SLC35E1: variants seen among roughly 807,000 people sequenced by gnomAD.
The protein encoded by SLC35E1 is solute carrier family 35 member E1.
A neutral mutation model predicts 31.0 loss-of-function variants in SLC35E1; 12 were observed. That is an observed-to-expected ratio of 0.39 (90% CI 0.25 to 0.63). The LOEUF (loss-of-function observed/expected upper bound fraction) is 0.63. Ranked by LOEUF, SLC35E1 falls within the 20% of genes least tolerant of loss-of-function variation. The probability of loss-of-function intolerance (pLI) is 0.52; values close to 1 mark genes in which losing one functional copy is unlikely to be tolerated. For missense variants in SLC35E1, 429 were observed against 572.2 expected, an observed-to-expected ratio of 0.75 and a Z score of 2.55; for synonymous variants, 257 against 264.1, an observed-to-expected ratio of 0.97 and a Z score of 0.26.
At position 16,572,026 on chromosome 19, in the gene SLC35E1, T is replaced by G. The variant is rs1455315475; in HGVS notation, c.339A>C (p.Leu113=). 1 of 1,543,944 alleles carries G rather than the reference T, an allele frequency of 6.5e-7. No individual in the cohort carries two copies. The highest frequency in any genetic ancestry group is 8.7e-7 in the Non-Finnish European group (1 of 1,144,418). Residue 113 remains leucine, a synonymous_variant, in exon 1 of 6, where the codon CTA becomes CTC. Transcript: ENST00000595753. This position sits in a 1 kb window ranked among gnomAD's most constrained non-coding sequence, Gnocchi z 4.1. ...LPPRFYPRYV[L]PLAFGKYFAS... Reference sequence around the variant, plus strand: ...CGAAGTACTTGCCGAAGGCGAGCGGTAGCACGTAGCGCGGGTAGAAGCGCG... The same window carrying G: ...CGAAGTACTTGCCGAAGGCGAGCGGGAGCACGTAGCGCGGGTAGAAGCGCG...
Position 16,566,542 on chromosome 19 carries a change from C to T in SLC35E1, c.746G>A (p.Ser249Asn), listed in dbSNP as rs1412133109. The change falls in exon 4 of 6, where the codon AGC becomes AAC. Residue 249 changes from serine to asparagine, a missense_variant. Physicochemically the swap from Ser to Asn is conservative, Grantham distance 46 (BLOSUM62 1). Transcript: ENST00000595753. ...TGCTGTACAACTCACCAAGTCGCTG[C>T]TGACCAGGAAAGCCGAGAGGTCCAC... ...VLVDLSAFLV[S>N]SDLTYVYQWP... 1.2e-6 allele frequency: 2 copies of T among 1,612,732 alleles called. No individual in the cohort carries two copies. The highest frequency in any genetic ancestry group is 2.2e-5 in the East Asian group (1 of 44,888).
chr19:16,554,270 A>AG (rs2085862699), intron 5 of SLC35E1, among the ~76,000 whole-genome samples: 2 of 150,446 alleles, frequency 1.3e-5, no homozygotes, highest in Non-Finnish European at 3.0e-5. Context: ...TGTCTCAGAA[A>AG]AAAAAAAAAA....
chr19:16,571,552 A>G lies in SLC35E1; in HGVS notation c.452T>C (p.Leu151Pro), dbSNP rs757679561. The G allele has an allele frequency of 1.2e-6, 2 of 1,613,790 alleles. No individual in the cohort carries two copies. Among genetic ancestry groups the G allele is most frequent in the East Asian group, 2.2e-5 (1 of 44,892 alleles). ...CTCCTTCATAATGATCCGGGACAGG[A>G]GGACCACCCAGATGGGCATGGTGGC... ...VKATMPIWVVLLSRIIMKEKQ... is the reference protein window; with the variant it reads ...VKATMPIWVVPLSRIIMKEKQ... The change falls in exon 2 of 6, where the codon CTC (leucine) becomes CCC (proline). Residue 151 changes from leucine to proline, a missense_variant. Transcript: ENST00000595753.
rs1232047973 is a variant in SLC35E1, at chr19:16,555,218, G to A, written c.936C>T (p.Asn312=). Residue 312 remains asparagine (N), a synonymous_variant, in exon 5 of 6, where the codon AAC becomes AAT. Coordinates refer to ENST00000595753, the MANE Select transcript of SLC35E1 (RefSeq NM_024881.5). This position sits in a 1 kb window ranked among gnomAD's most constrained non-coding sequence, Gnocchi z 4.1. ...VITVSLIMLR[N]PVTSTNVLGM... The stretch of plus-strand genomic sequence containing the variant: ...CCAGGACGTTGGTGCTGGTGACTGG[G>A]TTGCGCAGCATGATCAGGGACACCG... The A allele has an allele frequency of 6.2e-7, 1 of 1,614,064 alleles. No individual in the cohort carries two copies. The highest frequency in any genetic ancestry group is 8.5e-7 in the Non-Finnish European group (1 of 1,180,042).
intron 2 of SLC35E1, among the ~76,000 whole-genome samples, chr19:16,570,076 T>G (rs2085950134): frequency 6.6e-6 from 1 of 152,232 alleles, no homozygotes; most frequent in Non-Finnish European, 1.5e-5. Context: ...TCCTAGAAGT[T>G]ATGATGTCAT....
chr19:16,566,364 G>T, intron 4 of SLC35E1, 168 bp downstream of exon 4: 1 of 834,982 alleles, frequency 1.2e-6, no homozygotes, highest in Non-Finnish European at 1.8e-6. Context: ...TTCCTCGATG[G>T]CGTGCATCGT....
rs541182460 is a variant in SLC35E1 at position 16,553,113 on chromosome 19, C to A, written c.*566G>T. On this transcript the variant is annotated 3_prime_UTR_variant, in exon 6 of 6. Transcript: ENST00000595753. ...AACTGCTAAGGGGATGACCAGGAAACTGGATCCATCTCTGTGGCTGGGGAT... is the reference window on the plus strand; with the variant it reads ...AACTGCTAAGGGGATGACCAGGAAAATGGATCCATCTCTGTGGCTGGGGAT... 6.6e-6 allele frequency: 1 copy of A among 152,370 alleles called. No homozygotes were observed. The highest frequency in any genetic ancestry group is 2.1e-4 in the South Asian group (1 of 4,830). 9.4% of individuals were successfully genotyped at this position (152,370 alleles called of 1,614,324 possible). A position where few individuals can be genotyped will look rare whatever the true frequency, so the allele number is the denominator to read the frequency against.
chr19:16,567,923 T>A (rs971009909), intron 3 of SLC35E1, 109 bp downstream of exon 3: 1 of 1,387,994 alleles, frequency 7.2e-7, no homozygotes, highest in African/African-American at 1.5e-5. Context: ...AAGATTTTTC[T>A]GCTCTAATAG....
In SLC35E1 at chr19:16,555,314, GA is replaced by G; in HGVS notation, c.839del (p.Phe280SerfsTer10). On this transcript the variant is annotated frameshift_variant, in exon 5 of 6. Transcript: ENST00000595753. LOFTEE classifies it high-confidence loss of function. The surrounding 1 kb of genome is among the most constrained non-coding windows in gnomAD (Gnocchi z 4.1). The part of the protein sequence containing the change: ...FCNFAQNVIA[F>X]SILNLVSPLS... ...GGGGGCTAACGAGGTTGAGGATGCT[GA>G]AGGCGATAACATTCTGGGCAAAGTT... is the stretch of plus-strand genomic sequence containing the variant. 1 of 1,614,176 alleles carries G rather than the reference GA, an allele frequency of 6.2e-7. No homozygotes were observed. Among genetic ancestry groups the G allele is most frequent in the African/African-American group, 1.3e-5 (1 of 75,046 alleles).
intron 2 of SLC35E1, among the ~76,000 whole-genome samples, chr19:16,569,806 G>T (rs771323454): frequency 1.3e-5 from 2 of 152,164 alleles, no homozygotes; most frequent in Non-Finnish European, 2.9e-5. Context: ...ATCGCACCAC[G>T]GCACTCCAAT....
intron 1 of SLC35E1, 135 bp downstream of exon 1, chr19:16,571,809 A>C (rs2085960186): frequency 9.7e-7 from 1 of 1,035,838 alleles, no homozygotes; most frequent in African/African-American, 1.6e-5. Context: ...TCCCTCCCCT[A>C]CCAAACCCTT....
chr19:16,554,281 A>AG (rs2085862788), intron 5 of SLC35E1, among the ~76,000 whole-genome samples: 1 of 151,478 alleles, frequency 6.6e-6, no homozygotes, highest in Admixed American at 6.6e-5. Context: ...AAAAAAAAAA[A>AG]AAAAAAAAAG....
In SLC35E1 at chr19:16,571,980, T is replaced by C. The variant is rs1218262910; in HGVS notation, c.385A>G (p.Ser129Gly). The change falls in exon 1 of 6, where the codon AGC becomes GGC. Residue 129 changes from serine (S) to glycine (G), a missense_variant. Ser to Gly is a moderately conservative substitution (Grantham distance 56). Transcript: ENST00000595753. Reference protein sequence around the residue: ...KYFASVSAHVSIWKVPVSYAH... With the variant: ...KYFASVSAHVGIWKVPVSYAH... ...TAGGACACGGGCACCTTCCAGATGC[T>C]GACGTGCGCTGACACGGACGCGAAG... 1.3e-6 allele frequency: 2 copies of C among 1,547,032 alleles called. No individual in the cohort carries two copies. The highest frequency in any genetic ancestry group is 3.9e-5 in the Admixed American group (2 of 50,834).
chr19:16,561,638 C>T (rs546653121), intron 4 of SLC35E1, among the ~76,000 whole-genome samples: 1 of 152,354 alleles, frequency 6.6e-6, no homozygotes, highest in East Asian at 1.9e-4. Flanking sequence ...CTGCCCACTG[C>T]AGCCTTTGAT....
intron 5 of SLC35E1, among the ~76,000 whole-genome samples, chr19:16,554,675 G>A (rs1379191783): frequency 6.6e-6 from 1 of 152,114 alleles, no homozygotes; most frequent in African/African-American, 2.4e-5. Context: ...ACAAAAATTA[G>A]CCAGGTGTGG....
rs953462743 is a variant in SLC35E1, at chr19:16,559,930, T to C, written c.757-4533A>G. Among the ~76,000 whole-genome samples, 6 of 152,172 alleles carry C rather than the reference T, an allele frequency of 3.9e-5. No homozygotes were observed. The East Asian group carries it at 5.8e-4, about 15-fold the overall frequency. On this transcript the variant is annotated intron_variant, in intron 4 of 5. Transcript: ENST00000595753. The stretch of plus-strand genomic sequence containing the variant: ...AAGTCTGGGTCTTATTTAAATCCTA[T>C]GAAGAATGTTGATGTTTTGTTTTAG...
intron 4 of SLC35E1, among the ~76,000 whole-genome samples, chr19:16,559,865 G>A (rs951860227): frequency 6.6e-6 from 1 of 152,076 alleles, no homozygotes; most frequent in Non-Finnish European, 1.5e-5. Flanking sequence ...CGTAAACTAC[G>A]TAATTTTGGC....
rs543030848 is a variant in SLC35E1, at chr19:16,566,844, A to G, written c.631-187T>C. On this transcript the variant is annotated intron_variant, in intron 3 of 5. Transcript: ENST00000595753. ...CTGAAACAAGCACCATGCTCCACGC[A>G]TAAACGACTGAGAAAAGAAAACAAA... is the stretch of plus-strand genomic sequence containing the variant. Among the ~76,000 whole-genome samples, 9 of 152,360 alleles carry G rather than the reference A, an allele frequency of 5.9e-5. No individual in the cohort carries two copies. In the East Asian group the frequency reaches 1.5e-3, roughly 26 times the overall value.
intron 3 of SLC35E1, 92 bp from the exon 4 acceptor site, chr19:16,566,749 A>G (rs1568274612): frequency 6.8e-7 from 1 of 1,472,622 alleles, no homozygotes; most frequent in Non-Finnish European, 9.2e-7. Flanking sequence ...GTGACTGGAC[A>G]TTAACCCTGA....
Sources: allele counts gnomAD v4.1 joint callset (sites outside exome capture counted in the v4.1 genomes callset), GRCh38; gene constraint gnomAD v4.1.1; non-coding constraint Gnocchi (gnomAD v3.1); transcripts MANE v1.5; gene names NCBI Gene and HGNC (gene_info 2026-07-23, HGNC 2026-07-21).